PDCD2L: variants seen among roughly 807,000 people sequenced by gnomAD.
PDCD2L encodes programmed cell death 2 like.
PDCD2L carries 44 observed loss-of-function variants against 40.4 expected under a neutral mutation model. That is an observed-to-expected ratio of 1.09 (90% confidence interval 0.86 to 1.40). The LOEUF is 1.40. PDCD2L is among the 40% of genes most tolerant of loss of function. The pLI is 0.00. For synonymous variants in PDCD2L, 194 were observed against 174.6 expected (o/e 1.11, Z -0.88); for missense variants, 470 against 453.7 (o/e 1.04, Z -0.33).
chr19:34,407,129 G>T (rs1280151501), intron 3 of PDCD2L, among the ~76,000 whole-genome samples: 1 of 147,710 alleles, frequency 6.8e-6, no homozygotes, highest in African/African-American at 2.5e-5. Context: ...GAGCCACCAT[G>T]CCCGGCTCAC....
intron 4 of PDCD2L, among the ~76,000 whole-genome samples, chr19:34,412,052 G>A (rs1277646663): frequency 2.1e-5 from 3 of 146,050 alleles, no homozygotes; most frequent in African/African-American, 7.5e-5. Context: ...ACAGAATCTC[G>A]CTCTGTTGCC....
At chr19:34,405,318 G>A (rs2075069294) in intron 3 of PDCD2L, among the ~76,000 whole-genome samples, 1 of 150,616 alleles carries the variant, frequency 6.6e-6, no homozygotes, top group Admixed American at 6.6e-5. Flanking sequence ...GGCTAATTTT[G>A]TATTTTTAAT....
chr19:34,422,726 T>G (rs2075157895), intron 6 of PDCD2L, among the ~76,000 whole-genome samples: 1 of 151,914 alleles, frequency 6.6e-6, no homozygotes, highest in Non-Finnish European at 1.5e-5. Context: ...TTTTCCTTCT[T>G]TTTTCTTGAG....
At chr19:34,425,904 C>A in intron 6 of PDCD2L, 86 bp from the exon 7 acceptor site, 1 of 1,385,412 alleles carries the variant, frequency 7.2e-7, no homozygotes. Context: ...ATTACTTTTT[C>A]AGCTTATAAG....
intron 6 of PDCD2L, among the ~76,000 whole-genome samples, chr19:34,424,982 G>A (rs896117334): frequency 6.6e-6 from 1 of 152,024 alleles, no homozygotes; most frequent in African/African-American, 2.4e-5. Context: ...CTGACCTCAG[G>A]TGATCCATAT....
chr19:34,424,087 C>T (rs925275568), intron 6 of PDCD2L, among the ~76,000 whole-genome samples: 4 of 151,832 alleles, frequency 2.6e-5, no homozygotes, highest in African/African-American at 9.7e-5. Flanking sequence ...ACAGTGAAAG[C>T]CCTGCCAGCC....
chr19:34,406,174 C>G (rs2075074489), intron 3 of PDCD2L, among the ~76,000 whole-genome samples: 1 of 152,108 alleles, frequency 6.6e-6, no homozygotes, highest in South Asian at 2.1e-4. Context: ...ATGGAGACTT[C>G]CTCCTGGATT....
chr19:34,419,640 C>T (rs2075140420), intron 5 of PDCD2L, among the ~76,000 whole-genome samples: 1 of 151,896 alleles, frequency 6.6e-6, no homozygotes, highest in African/African-American at 2.4e-5. Flanking sequence ...CCACACCTGA[C>T]TTTCCATTTG....
chr19:34,409,056 T>C, intron 3 of PDCD2L, 105 bp from the exon 4 acceptor site: 1 of 944,378 alleles, frequency 1.1e-6, no homozygotes, highest in Non-Finnish European at 1.6e-6. Context: ...AAGGGGATGG[T>C]GTGAAGGCTC....
At chr19:34,417,765 A>T (rs914076929) in intron 5 of PDCD2L, among the ~76,000 whole-genome samples, 2 of 152,208 alleles carry the variant, frequency 1.3e-5, no homozygotes, top group African/African-American at 4.8e-5. Context: ...TGATAAATAT[A>T]TTTACTATGA....
chr19:34,412,449 C>T (rs1300381162), intron 4 of PDCD2L, among the ~76,000 whole-genome samples: 1 of 151,850 alleles, frequency 6.6e-6, no homozygotes, highest in Non-Finnish European at 1.5e-5. Flanking sequence ...TGGCTGAGTG[C>T]GGTGGCTCAC....
intron 5 of PDCD2L, among the ~76,000 whole-genome samples, chr19:34,414,082 A>G (rs1411115889): frequency 4.6e-5 from 7 of 152,330 alleles, no homozygotes; most frequent in Non-Finnish European, 8.8e-5. Context: ...TCTATTCTGC[A>G]TGCCAGTTGC....
At chr19:34,407,956 T>C (rs1257359908) in intron 3 of PDCD2L, among the ~76,000 whole-genome samples, 1 of 152,120 alleles carries the variant, frequency 6.6e-6, no homozygotes, top group African/African-American at 2.4e-5. Flanking sequence ...GGGGTTGCAT[T>C]CTGGTCACCC....
intron 4 of PDCD2L, among the ~76,000 whole-genome samples, chr19:34,409,758 G>A (rs555542098): frequency 3.3e-5 from 5 of 152,280 alleles, no homozygotes; most frequent in African/African-American, 4.8e-5. Context: ...TAGAAGACGC[G>A]TTCACTGACT....
intron 5 of PDCD2L, among the ~76,000 whole-genome samples, chr19:34,416,367 C>A (rs1568360192): frequency 6.6e-6 from 1 of 152,112 alleles, no homozygotes; most frequent in Admixed American, 6.6e-5. Flanking sequence ...ACGGGGATTG[C>A]CTCTCAGAAG....
intron 4 of PDCD2L, among the ~76,000 whole-genome samples, chr19:34,410,121 G>A (rs776052399): frequency 1.3e-5 from 2 of 152,192 alleles, no homozygotes; most frequent in Non-Finnish European, 2.9e-5. Context: ...GACTGAGAGA[G>A]ACAGGGTCTC....
intron 5 of PDCD2L, among the ~76,000 whole-genome samples, chr19:34,417,206 A>G (rs570849758): frequency 2.0e-5 from 3 of 152,248 alleles, no homozygotes; most frequent in Admixed American, 6.5e-5. Flanking sequence ...AATGGATTCC[A>G]TAAAACAAGA....
intron 1 of PDCD2L, 44 bp downstream of exon 1, chr19:34,404,582 G>A: frequency 1.3e-6 from 2 of 1,582,538 alleles, no homozygotes; most frequent in Non-Finnish European, 1.7e-6. Context: ...TGCTGCTGAA[G>A]GGTGCGGAGG....
chr19:34,421,722 A>T, intron 6 of PDCD2L, 55 bp downstream of exon 6: 1 of 1,522,290 alleles, frequency 6.6e-7, no homozygotes, highest in Admixed American at 2.1e-5. Context: ...ATTTTTAAAT[A>T]AATGAAAAAC....
Sources: allele counts gnomAD v4.1 joint callset (sites outside exome capture counted in the v4.1 genomes callset), GRCh38; gene constraint gnomAD v4.1.1; transcripts MANE v1.5; gene names NCBI Gene and HGNC (gene_info 2026-07-23, HGNC 2026-07-21).